The following MASP1 variants were observed in gnomAD, a reference collection of about 807,000 sequenced individuals.
MASP1 encodes the protein MBL associated serine protease 1.
A neutral mutation model predicts 77.1 loss-of-function variants in MASP1; 59 were observed. That is an observed-to-expected ratio of 0.77 (90% CI 0.62 to 0.95). The LOEUF (loss-of-function observed/expected upper bound fraction) is 0.95, where lower values mean the gene tolerates loss of function less well. MASP1 is among the 40% of genes least tolerant of loss of function. The pLI is 0.00. For synonymous variants in MASP1, 362 were observed against 354.5 expected (o/e 1.02, Z -0.24); for missense variants, 885 against 912.9 (o/e 0.97, Z 0.39).
At chr3:187,248,234 T>C (rs1181682167) in intron 8 of MASP1, among the ~76,000 whole-genome samples, 1 of 152,182 alleles carries the variant, frequency 6.6e-6, no homozygotes. Context: ...CTAATGTAAG[T>C]CAGGGAAAAA....
chr3:187,264,212 C>T (rs987072092), intron 2 of MASP1, among the ~76,000 whole-genome samples: 4 of 152,138 alleles, frequency 2.6e-5, no homozygotes, highest in South Asian at 2.1e-4. Context: ...GGCAACAAAA[C>T]GCAAGTACAA....
Position 187,262,689 on chromosome 3 carries a change from A to G in MASP1, c.269T>C (p.Phe90Ser), listed in dbSNP as rs1264094001. ...TGTGTCTGTGGTCTCCCTGCCACAG[A>G]AGGTTGCCAGCACCTGGTCCTCAGT... ...VETEDQVLAT[F>S]CGRETTDTEQ... The change falls in exon 3 of 11, where the codon TTC (phenylalanine) becomes TCC (serine). Residue 90 changes from phenylalanine to serine, a missense_variant. Transcript: ENST00000296280. 1.5e-5 allele frequency: 25 copies of G among 1,614,020 alleles called. No individual in the cohort carries two copies. Among genetic ancestry groups the G allele is most frequent in the Non-Finnish European group, 2.0e-5 (24 of 1,180,018 alleles).
At chr3:187,246,714 T>A in intron 8 of MASP1, 1 of 987,038 alleles carries the variant, frequency 1.0e-6, no homozygotes, top group Non-Finnish European at 1.2e-6. Context: ...TTAAGAAACA[T>A]AGAACTTGTA....
intron 2 of MASP1, among the ~76,000 whole-genome samples, chr3:187,279,504 G>T (rs978026106): frequency 2.6e-5 from 4 of 152,156 alleles, no homozygotes; most frequent in Non-Finnish European, 5.9e-5. Context: ...ATATTAGGCT[G>T]GCCAACAAAA....
intron 1 of MASP1, among the ~76,000 whole-genome samples, chr3:187,289,274 G>A (rs1056258508): frequency 7.9e-5 from 12 of 152,082 alleles, no homozygotes; most frequent in Admixed American, 5.2e-4. Context: ...TACACTGTCC[G>A]TACACGCCCC....
Position 187,268,525 on chromosome 3 carries a change from G to GAAAGA in MASP1, c.238-5810_238-5806dup, listed in dbSNP as rs772156759. ...AGAAAGAAAGAAAGAGAGGAAGAAAGAAAGAAAAGAAAAGAAAAGAAAATA... is the reference window on the plus strand; with the variant it reads ...AGAAAGAAAGAAAGAGAGGAAGAAAGAAAGAAAAGAAAAGAAAAGAAAAGAAAATA... On this transcript the variant is annotated intron_variant, in intron 2 of 10. Transcript: ENST00000296280. 4.7e-3 allele frequency among the ~76,000 whole-genome samples: 662 copies of GAAAGA among 141,406 alleles called. 9 individuals are homozygous for GAAAGA. Among genetic ancestry groups the GAAAGA allele is most frequent in the African/African-American group, 0.013 (509 of 38,304 alleles). 92.8% of individuals were successfully genotyped at this position (141,406 alleles called of 152,430 possible).
intron 3 of MASP1, among the ~76,000 whole-genome samples, chr3:187,261,604 A>AC (rs1344306638): frequency 1.3e-5 from 2 of 152,222 alleles, no homozygotes; most frequent in Non-Finnish European, 2.9e-5. Context: ...AGCAGCCAGA[A>AC]CTCTCATACA....
chr3:187,220,281 A>C, intron 15 of MASP1: 1 of 1,611,888 alleles, frequency 6.2e-7, no homozygotes, highest in Non-Finnish European at 8.5e-7. Flanking sequence ...AAAGAGACAT[A>C]GATGAAGATA....
chr3:187,258,759 A>G (rs890115833), intron 4 of MASP1, among the ~76,000 whole-genome samples: 2 of 152,228 alleles, frequency 1.3e-5, no homozygotes, highest in Non-Finnish European at 2.9e-5. Context: ...ACTGCCTTCA[A>G]ACAAGGCAAA....
At chr3:187,282,445 C>T (rs563759324) in intron 2 of MASP1, among the ~76,000 whole-genome samples, 112 of 132,270 alleles carry the variant, frequency 8.5e-4, no homozygotes, top group Non-Finnish European at 1.4e-3. Flanking sequence ...TGCACTGAGC[C>T]GAGATCCCGC....
Position 187,234,931 on chromosome 3 carries a change from T to A in MASP1, c.*753A>T, listed in dbSNP as rs1560236764. 7.8e-7 allele frequency: 1 copy of A among 1,287,232 alleles called. No individual in the cohort carries two copies. The highest frequency in any genetic ancestry group is 1.5e-5 in the African/African-American group (1 of 65,912). The allele number at this position is 1,287,232 out of a possible 1,614,324, so 79.7% of individuals were successfully genotyped here. A position where few individuals can be genotyped will look rare whatever the true frequency, so the allele number is the denominator to read the frequency against. ...TTCCAGGGTGGCATATGGGCCCAAA[T>A]GTGTTCTGAGTTGACAATGGGAATT... On this transcript the variant is annotated 3_prime_UTR_variant, in exon 11 of 11. Coordinates refer to ENST00000296280, the MANE Select transcript of MASP1 (RefSeq NM_139125.4).
At chr3:187,250,398 C>T in intron 7 of MASP1, 69 bp from the exon 8 acceptor site, 11 of 1,121,442 alleles carry the variant, frequency 9.8e-6, no homozygotes, top group Non-Finnish European at 1.5e-5. Flanking sequence ...TTTTTCCTAG[C>T]AAAACCAACT....
In MASP1 at chr3:187,224,492, G is replaced by A. The variant is rs952419355; in HGVS notation, c.1741+832C>T. Among the ~76,000 whole-genome samples, 10 of 150,714 alleles carry A rather than the reference G, an allele frequency of 6.6e-5. No homozygotes were observed. The East Asian group carries it at 1.2e-3, about 18-fold the overall frequency. On this transcript the variant is annotated intron_variant, in intron 13 of 15. Transcript: ENST00000337774. ...CTCCCAAGTAGCTGGGACTACAGGC[G>A]CCCGCCACTATGCCCGGCTAATTTT...
Position 187,269,234 on chromosome 3 carries a change from T to C in MASP1, c.238-6514A>G, listed in dbSNP as rs115758372. On this transcript the variant is annotated intron_variant, in intron 2 of 10. Coordinates refer to ENST00000296280, the MANE Select transcript of MASP1 (RefSeq NM_139125.4). ...CCTAAGAATCTTAAGAGCATTATTC[T>C]GTAGCACCCTGACATGCCCTTCAAA... 2.5e-3 allele frequency among the ~76,000 whole-genome samples: 378 copies of C among 152,304 alleles called. 3 individuals are homozygous for C. The highest frequency in any genetic ancestry group is 9.0e-3 in the African/African-American group (373 of 41,550).
intron 2 of MASP1, among the ~76,000 whole-genome samples, chr3:187,268,862 C>T (rs769902125): frequency 3.3e-5 from 5 of 151,864 alleles, no homozygotes; most frequent in African/African-American, 1.2e-4. Flanking sequence ...GTCAGGAGTT[C>T]GAGACCAGGC....
chr3:187,228,877 C>T (rs1712597089), intron 11 of MASP1, among the ~76,000 whole-genome samples: 1 of 152,218 alleles, frequency 6.6e-6, no homozygotes, highest in South Asian at 2.1e-4. Context: ...GCTTTGGCTG[C>T]AGCTCTAGCC....
Position 187,291,628 on chromosome 3 carries a change from C to G in MASP1, c.5G>C (p.Arg2Thr). Reference protein sequence around the residue: MRWLLLYYALCF... With the variant: MTWLLLYYALCF... Reference sequence around the variant, plus strand: ...TGCCCTCTCCTCCCCTGGCACGTACCTCATTTTCCTGCCTTGGGTGCTCCC... The same window carrying G: ...TGCCCTCTCCTCCCCTGGCACGTACGTCATTTTCCTGCCTTGGGTGCTCCC... Residue 2 changes from arginine (R) to threonine (T), a missense_variant and splice_region_variant, in exon 1 of 11, where the codon AGG becomes ACG. Coordinates refer to ENST00000296280, the MANE Select transcript of MASP1 (RefSeq NM_139125.4). The G allele has an allele frequency of 1.9e-6, 3 of 1,614,208 alleles. No homozygotes were observed. The highest frequency in any genetic ancestry group is 1.7e-5 in the Admixed American group (1 of 60,026).
chr3:187,248,356 G>A (rs1714278870), intron 8 of MASP1, among the ~76,000 whole-genome samples: 1 of 152,136 alleles, frequency 6.6e-6, no homozygotes, highest in African/African-American at 2.4e-5. Context: ...CATGTTTCTG[G>A]CCCTCCATGG....
chr3:187,265,553 A>T (rs939452133), intron 2 of MASP1, among the ~76,000 whole-genome samples: 4 of 152,196 alleles, frequency 2.6e-5, no homozygotes, highest in Admixed American at 1.3e-4. Flanking sequence ...GAAGGCCAGT[A>T]GCCTGGGGCC....
Sources: gnomAD v4.1 joint callset for allele counts (sites outside exome capture counted in the v4.1 genomes callset) on GRCh38, gnomAD v4.1.1 for gene constraint, MANE v1.5 for transcripts, NCBI Gene and HGNC (gene_info 2026-07-23, HGNC 2026-07-21) for gene names.